The following DUSP13B variants were observed in gnomAD, a reference collection of about 807,000 sequenced individuals.
DUSP13B encodes dual specificity phosphatase 13B, also known as dual specificity protein phosphatase 13B.
the DUSP13B span, among the ~76,000 whole-genome samples, chr10:75,095,116 A>G: frequency 4.6e-5 from 7 of 152,198 alleles, no homozygotes; most frequent in African/African-American, 1.4e-4. Flanking sequence ...GTGCTTCCTC[A>G]GGCATCCTTT....
chr10:75,104,779 C>T, the DUSP13B span, among the ~76,000 whole-genome samples: 2 of 152,236 alleles, frequency 1.3e-5, no homozygotes, highest in Middle Eastern at 3.4e-3. Flanking sequence ...TAATCCTGCT[C>T]CTCAAGATGC....
the DUSP13B span, chr10:75,094,819 A>C: frequency 6.2e-7 from 1 of 1,614,228 alleles, no homozygotes; most frequent in South Asian, 1.1e-5. Flanking sequence ...ATCATGAGGA[A>C]GGCCAGGACA....
At chr10:75,108,708 G>A in the DUSP13B span, among the ~76,000 whole-genome samples, 1 of 152,168 alleles carries the variant, frequency 6.6e-6, no homozygotes, top group Non-Finnish European at 1.5e-5. Context: ...CTTATCTCAT[G>A]CCCCAAATAC....
At chr10:75,103,980 G>A in the DUSP13B span, 40 of 1,343,998 alleles carry the variant, frequency 3.0e-5, no homozygotes, top group Middle Eastern at 2.1e-4. Context: ...CCGACCCCAC[G>A]CTGGGCTTCC....
At chr10:75,108,989 C>T in the DUSP13B span, 1 of 1,589,482 alleles carries the variant, frequency 6.3e-7, no homozygotes, top group African/African-American at 1.3e-5. Flanking sequence ...CCCCATGCCC[C>T]TTGGCCAGCT....
chr10:75,099,491 G>T, the DUSP13B span: 2 of 1,232,080 alleles, frequency 1.6e-6, no homozygotes, highest in Admixed American at 4.2e-5. Flanking sequence ...CTGCCTGAGC[G>T]GAACAGGGCT....
the DUSP13B span, chr10:75,109,110 C>G: frequency 6.2e-7 from 1 of 1,611,690 alleles, no homozygotes; most frequent in South Asian, 1.1e-5. Context: ...TGGGGCAAGG[C>G]GTGGCTTTGT....
chr10:75,103,734 C>G, the DUSP13B span, among the ~76,000 whole-genome samples: 3 of 152,350 alleles, frequency 2.0e-5, no homozygotes, highest in East Asian at 3.9e-4. Flanking sequence ...CTGGGGCTCT[C>G]TGAGCCCTGA....
chr10:75,108,203 C>G, the DUSP13B span: 34 of 1,601,936 alleles, frequency 2.1e-5, no homozygotes, highest in South Asian at 7.8e-5. Flanking sequence ...GGTTGTTTGC[C>G]GTGGCCCTGG....
At chr10:75,102,571 G>A in the DUSP13B span, among the ~76,000 whole-genome samples, 1 of 152,234 alleles carries the variant, frequency 6.6e-6, no homozygotes, top group Admixed American at 6.5e-5. Context: ...ACTTTGGGAG[G>A]CTGAGGTGGG....
chr10:75,101,135 C>T, the DUSP13B span, among the ~76,000 whole-genome samples: 1 of 152,196 alleles, frequency 6.6e-6, no homozygotes. Flanking sequence ...CAGTGGGGAA[C>T]AGCTGTGGGT....
chr10:75,094,663 G>C, the DUSP13B span: 2 of 1,612,558 alleles, frequency 1.2e-6, no homozygotes, highest in East Asian at 4.5e-5. Flanking sequence ...AGGGATCCTG[G>C]CTGCCTGCCA....
the DUSP13B span, chr10:75,098,036 C>A: frequency 1.5e-6 from 1 of 679,228 alleles, no homozygotes; most frequent in Non-Finnish European, 2.3e-6. Flanking sequence ...ACAAGCTCAG[C>A]TGGGGCTGAG....
the DUSP13B span, chr10:75,095,541 T>C: frequency 6.3e-7 from 1 of 1,590,626 alleles, no homozygotes; most frequent in Admixed American, 1.7e-5. Context: ...AAGCACACCC[T>C]CCACCCTCCA....
chr10:75,105,737 G>T, the DUSP13B span: 1 of 1,554,686 alleles, frequency 6.4e-7, no homozygotes, highest in East Asian at 2.4e-5. Context: ...CCTCGGTTGG[G>T]GAAGACCCAT....
chr10:75,095,433 G>T, the DUSP13B span: 6 of 720,204 alleles, frequency 8.3e-6, 1 homozygote, highest in South Asian at 1.1e-4. Flanking sequence ...TCACTGAATG[G>T]TAGTAGCTAT....
the DUSP13B span, among the ~76,000 whole-genome samples, chr10:75,106,096 CTTTTCTT>C: frequency 9.2e-6 from 1 of 109,026 alleles, no homozygotes; most frequent in Non-Finnish European, 1.8e-5. Context: ...TCTTTTCTTT[CTTTTCTT>C]TTTTTTTTTT....
chr10:75,097,291 C>G, the DUSP13B span, among the ~76,000 whole-genome samples: 1 of 152,126 alleles, frequency 6.6e-6, no homozygotes. Context: ...TCACTGCAAC[C>G]TCTGCCTCCT....
the DUSP13B span, among the ~76,000 whole-genome samples, chr10:75,102,353 G>T: frequency 6.6e-4 from 101 of 152,318 alleles, no homozygotes; most frequent in African/African-American, 2.4e-3. Flanking sequence ...TGAGGCAGGA[G>T]AATGGCGTGA....
Sources: gnomAD v4.1 joint callset for allele counts (sites outside exome capture counted in the v4.1 genomes callset) on GRCh38, gnomAD v4.1.1 for gene constraint, MANE v1.5 for transcripts, NCBI Gene and HGNC (gene_info 2026-07-23, HGNC 2026-07-21) for gene names.